METTL14: variants seen among roughly 807,000 people sequenced by gnomAD.
The protein encoded by METTL14 is methyltransferase 14, N6-adenosine-methyltransferase non-catalytic subunit, also known as N(6)-adenosine-methyltransferase non-catalytic subunit METTL14.
METTL14 carries 32 observed loss-of-function variants against 62.4 expected under a neutral mutation model. That is an observed-to-expected ratio of 0.51 (90% CI 0.39 to 0.69). The LOEUF (loss-of-function observed/expected upper bound fraction) is 0.69. Among genes scored for constraint, METTL14 ranks in the 30% least tolerant of loss-of-function variants. The pLI is 0.00. For missense variants in METTL14, 340 were observed against 551.9 expected (o/e 0.62, Z 3.85); for synonymous variants, 150 against 180.0 (o/e 0.83, Z 1.34).
chr4:118,685,462 C>G lies in METTL14; in HGVS notation c.-73C>G. ...CCCGGTGAATTTTGTTCCACAGACT[C>G]GGAAGAAAGGTTGGATAAGAGTTCA... is the stretch of plus-strand genomic sequence containing the variant. On this transcript the variant is annotated 5_prime_UTR_variant, in exon 1 of 11. Transcript: ENST00000388822. 1.4e-6 allele frequency: 2 copies of G among 1,441,842 alleles called. No individual in the cohort carries two copies. The highest frequency in any genetic ancestry group is 2.3e-5 in the East Asian group (1 of 43,976). 89.3% of individuals were successfully genotyped at this position (1,441,842 alleles called of 1,614,324 possible).
rs1015799563 is a variant in METTL14 at position 118,696,270 on chromosome 4, T to C, written c.504-912T>C. On this transcript the variant is annotated intron_variant, in intron 6 of 10. Coordinates refer to ENST00000388822, the MANE Select transcript of METTL14 (RefSeq NM_020961.4). ...TTACTTTCTTGCTTATTTACTTATT[T>C]ATTTATTTAAATAGAGACAGGGTCT... Among the ~76,000 whole-genome samples the C allele has an allele frequency of 2.0e-5, 3 of 152,088 alleles. No individual in the cohort carries two copies. In the East Asian group the frequency reaches 5.8e-4, roughly 29 times the overall value.
chr4:118,689,505 A>G, intron 3 of METTL14, 48 bp downstream of exon 3: 2 of 1,085,780 alleles, frequency 1.8e-6, no homozygotes, highest in Non-Finnish European at 2.7e-6. Context: ...ACATAAATCC[A>G]AATGATAGAT....
intron 3 of METTL14, among the ~76,000 whole-genome samples, chr4:118,691,151 A>G (rs1182797693): frequency 1.3e-5 from 2 of 152,120 alleles, no homozygotes; most frequent in Admixed American, 6.6e-5. Context: ...TTTAGGTGGA[A>G]CTATATGCAG....
Position 118,694,505 on chromosome 4 carries a change from C to A in METTL14, c.482C>A (p.Ala161Asp). 1 of 1,612,144 alleles carries A rather than the reference C, an allele frequency of 6.2e-7. No homozygotes were observed. Among genetic ancestry groups the A allele is most frequent in the Non-Finnish European group, 8.5e-7 (1 of 1,178,618 alleles). ...ATCAGGCTAAAGGATGAGTTAATAG[C>A]TAAATCTAACACTCCTCCCATGTAA... Reference protein sequence around the residue: ...ELIRLKDELIAKSNTPPMYLQ... With the variant: ...ELIRLKDELIDKSNTPPMYLQ... The change falls in exon 6 of 11, where the codon GCT (alanine) becomes GAT (aspartate). Residue 161 changes from alanine to aspartate, a missense_variant. Around this residue, in one of 7 missense-constraint regions of METTL14, gnomAD observed 41 missense variants for 44.0 expected, o/e 0.93. Coordinates refer to ENST00000388822, the MANE Select transcript of METTL14 (RefSeq NM_020961.4).
chr4:118,701,029 T>TGGAA (rs1724572665), intron 8 of METTL14, among the ~76,000 whole-genome samples: 1 of 151,946 alleles, frequency 6.6e-6, no homozygotes, highest in Non-Finnish European at 1.5e-5. Flanking sequence ...GAAATCCAAA[T>TGGAA]GGAAGTCAAA....
At chr4:118,696,264 C>CTTAT (rs950970432) in intron 6 of METTL14, among the ~76,000 whole-genome samples, 4 of 150,976 alleles carry the variant, frequency 2.6e-5, no homozygotes, top group African/African-American at 9.7e-5. Flanking sequence ...TGCTTATTTA[C>CTTAT]TTATTTATTT....
intron 10 of METTL14, among the ~76,000 whole-genome samples, chr4:118,708,625 T>C (rs1183792677): frequency 6.6e-6 from 1 of 152,262 alleles, no homozygotes; most frequent in Non-Finnish European, 1.5e-5. Context: ...AACTAAGTAT[T>C]GTACAGAAAT....
rs1339114114 is a variant in METTL14 at position 118,703,990 on chromosome 4, A to G, written c.794A>G (p.Asn265Ser). 2 of 1,597,158 alleles carry G rather than the reference A, an allele frequency of 1.3e-6. No homozygotes were observed. The highest frequency in any genetic ancestry group is 1.7e-6 in the Non-Finnish European group (2 of 1,175,678). Residue 265 changes from asparagine (N) to serine (S), a missense_variant, in exon 9 of 11, where the codon AAT (asparagine) becomes AGT (serine). Transcript: ENST00000388822. ...RCEDICWIKT[N>S]KNNPGKTKTL... is the part of the protein sequence containing the mutation. ...GAAGATATTTGTTGGATTAAAACCA[A>G]TAAAAACAATCCTGGGAAGACTAAG...
chr4:118,705,426 A>G (rs1332316159), intron 9 of METTL14, among the ~76,000 whole-genome samples, 185 bp from the exon 10 acceptor site: 1 of 152,194 alleles, frequency 6.6e-6, no homozygotes, highest in Non-Finnish European at 1.5e-5. Context: ...GTGAGCTGAG[A>G]TCGTGCTACT....
chr4:118,697,966 C>T (rs1442197402), intron 7 of METTL14, among the ~76,000 whole-genome samples: 4 of 151,930 alleles, frequency 2.6e-5, no homozygotes, highest in East Asian at 1.9e-4. Context: ...TGGAGGCAAA[C>T]GACTATCTGG....
In METTL14 at chr4:118,712,223, C is replaced by CT. The variant is rs1217642088; in HGVS notation, c.*1922dup. ...GGTTGAGGTGTTGTTTTTGCAATGA[C>CT]TGTGTATTCATTGAGGAAAGGTTTC... On this transcript the variant is annotated 3_prime_UTR_variant, in exon 11 of 11. Coordinates refer to ENST00000388822, the MANE Select transcript of METTL14 (RefSeq NM_020961.4). The CT allele has an allele frequency of 6.6e-6, 1 of 152,178 alleles. No individual in the cohort carries two copies. The highest frequency in any genetic ancestry group is 1.5e-5 in the Non-Finnish European group (1 of 68,034). 9.4% of individuals were successfully genotyped at this position (152,178 alleles called of 1,614,324 possible). A position where few individuals can be genotyped will look rare whatever the true frequency, so the allele number is the denominator to read the frequency against.
At position 118,691,423 on chromosome 4, in the gene METTL14, A is replaced by G. The variant is rs1050652538; in HGVS notation, c.244-109A>G. On this transcript the variant is annotated intron_variant, in intron 3 of 10. Coordinates refer to ENST00000388822, the MANE Select transcript of METTL14 (RefSeq NM_020961.4). ...AATGTTTGATTTTAATGCTAATTTA[A>G]AACATTTATTAAATCTTAAGGAAAT... The G allele has an allele frequency of 1.7e-5, 10 of 604,130 alleles. No individual in the cohort carries two copies. In the African/African-American group the frequency reaches 2.0e-4, roughly 12 times the overall value. The allele number at this position is 604,130 out of a possible 1,614,324, so 37.4% of individuals were successfully genotyped here.
chr4:118,705,914 C>T (rs559702787), intron 10 of METTL14, 93 bp downstream of exon 10: 8 of 971,334 alleles, frequency 8.2e-6, no homozygotes, highest in Non-Finnish European at 1.6e-6. Flanking sequence ...AGTTCTTATG[C>T]ATTTGATTCC....
chr4:118,692,133 A>G (rs1436567589), intron 5 of METTL14, 65 bp downstream of exon 5: 4 of 928,560 alleles, frequency 4.3e-6, no homozygotes, highest in African/African-American at 1.7e-5. Context: ...AATTTATCCA[A>G]TTTGTGGATA....
chr4:118,707,560 A>AG lies in METTL14; in HGVS notation c.1066+1741dup, dbSNP rs1336875057. On this transcript the variant is annotated intron_variant, in intron 10 of 10. Coordinates refer to ENST00000388822, the MANE Select transcript of METTL14 (RefSeq NM_020961.4). ...GTGCCTGTAATCCCAGCTACTTGGG[A>AG]GGCTGAGGCAGAAGAATCACTTGAA... Among the ~76,000 whole-genome samples the AG allele has an allele frequency of 2.0e-5, 3 of 148,820 alleles. No individual in the cohort carries two copies. The South Asian group carries it at 6.6e-4, about 33-fold the overall frequency.
intron 5 of METTL14, among the ~76,000 whole-genome samples, chr4:118,693,952 T>G (rs964521902): frequency 6.6e-6 from 1 of 152,132 alleles, no homozygotes; most frequent in African/African-American, 2.4e-5. Context: ...TAATTTATGT[T>G]GTTATAAATG....
Position 118,712,164 on chromosome 4 carries a change from T to G in METTL14, c.*1862T>G, listed in dbSNP as rs1195996273. On this transcript the variant is annotated 3_prime_UTR_variant, in exon 11 of 11. Coordinates refer to ENST00000388822, the MANE Select transcript of METTL14 (RefSeq NM_020961.4). ...TTTTTAATAGCAGGATGGAATTGAT[T>G]CACTAGTTTTTGCTAACTTTCACTT... The G allele has an allele frequency of 2.0e-5, 3 of 152,240 alleles. No individual in the cohort carries two copies. Among genetic ancestry groups the G allele is most frequent in the African/African-American group, 7.2e-5 (3 of 41,462 alleles). The allele number at this position is 152,240 out of a possible 1,614,324, so 9.4% of individuals were successfully genotyped here.
In METTL14 at chr4:118,711,552, G is replaced by C. The variant is rs1724921593; in HGVS notation, c.*1250G>C. 2.0e-5 allele frequency: 3 copies of C among 152,082 alleles called. No individual in the cohort carries two copies. In the South Asian group the frequency reaches 6.2e-4, roughly 32 times the overall value. 9.4% of individuals were successfully genotyped at this position (152,082 alleles called of 1,614,324 possible). On this transcript the variant is annotated 3_prime_UTR_variant, in exon 11 of 11. Transcript: ENST00000388822. Reference sequence around the variant, plus strand: ...CTTTTGGTCTGTGATGGATTTTAATGGCCGTTCTGTGCTCATATATACCTA... The same window carrying C: ...CTTTTGGTCTGTGATGGATTTTAATCGCCGTTCTGTGCTCATATATACCTA...
intron 7 of METTL14, among the ~76,000 whole-genome samples, chr4:118,699,067 A>G (rs544428111): frequency 4.3e-4 from 66 of 152,310 alleles, no homozygotes; most frequent in African/African-American, 1.5e-3. Context: ...AGTGAGTTTC[A>G]AGGAGAGTGT....
Sources: allele counts gnomAD v4.1 joint callset (sites outside exome capture counted in the v4.1 genomes callset), GRCh38; gene constraint gnomAD v4.1.1; regional missense constraint gnomAD v4.1.1; transcripts MANE v1.5; gene names NCBI Gene and HGNC (gene_info 2026-07-23, HGNC 2026-07-21).